Variants in B3GALT1 observed in about 807,000 individuals in gnomAD.
The protein encoded by B3GALT1 is UDP-Gal:betaGlcNAc beta 1,3-galactosyltransferase, polypeptide 1.
Under a neutral mutation model 23.2 loss-of-function variants are expected in B3GALT1, and 10 were observed. The observed-to-expected ratio is 0.43, with a 90% CI of 0.27 to 0.73. The LOEUF (loss-of-function observed/expected upper bound fraction) is 0.73, where lower values mean the gene tolerates loss of function less well. B3GALT1 is among the 30% of genes least tolerant of loss of function. B3GALT1 has a pLI of 0.21. For missense variants in B3GALT1, 299 were observed against 405.4 expected (o/e 0.74, Z 2.25); for synonymous variants, 156 against 141.5 (o/e 1.10, Z -0.73).
chr2:167,363,519 C>T (rs1462127640), intron 1 of B3GALT1, among the ~76,000 whole-genome samples: 2 of 152,124 alleles, frequency 1.3e-5, no homozygotes, highest in Admixed American at 6.6e-5. Context: ...TCTCAAGTTG[C>T]ATACATTCCT....
intron 1 of B3GALT1, among the ~76,000 whole-genome samples, chr2:167,416,025 C>T (rs1559089899): frequency 6.6e-6 from 1 of 152,152 alleles, no homozygotes; most frequent in Admixed American, 6.5e-5. Flanking sequence ...TTGGAAAACT[C>T]TCGGCCTGGC....
chr2:167,676,473 A>G, intron 3 of B3GALT1, among the ~76,000 whole-genome samples: 1 of 149,966 alleles, frequency 6.7e-6, no homozygotes, highest in South Asian at 2.1e-4. Flanking sequence ...CTAACCTTAT[A>G]TATATATACA....
intron 1 of B3GALT1, among the ~76,000 whole-genome samples, chr2:167,344,035 T>C (rs1697190135): frequency 6.6e-6 from 1 of 152,200 alleles, no homozygotes; most frequent in African/African-American, 2.4e-5. Context: ...GGGTGACTAT[T>C]GTCTACCACA....
chr2:167,304,274 A>T (rs1202523690), intron 1 of B3GALT1, among the ~76,000 whole-genome samples: 1 of 152,196 alleles, frequency 6.6e-6, no homozygotes, highest in Admixed American at 6.5e-5. Flanking sequence ...CCCAGAGCTC[A>T]CCACTTTGTC....
At chr2:167,537,778 C>A (rs1014900985) in intron 2 of B3GALT1, among the ~76,000 whole-genome samples, 1 of 151,934 alleles carries the variant, frequency 6.6e-6, no homozygotes, top group African/African-American at 2.4e-5. Flanking sequence ...TTTCTAAAAG[C>A]CTGAAGCCTT....
At chr2:167,824,410 A>G (rs928741560) in intron 4 of B3GALT1, among the ~76,000 whole-genome samples, 7 of 152,252 alleles carry the variant, frequency 4.6e-5, no homozygotes, top group African/African-American at 1.7e-4. Context: ...AGGAGTCAAG[A>G]TAAGAGATAC....
chr2:167,678,502 A>G (rs1686468518), intron 3 of B3GALT1, among the ~76,000 whole-genome samples: 1 of 152,048 alleles, frequency 6.6e-6, no homozygotes. Context: ...ACTGCCTTCT[A>G]CACTGTGACC....
chr2:167,745,066 G>A (rs1038478792), intron 3 of B3GALT1, among the ~76,000 whole-genome samples: 12 of 147,328 alleles, frequency 8.1e-5, no homozygotes, highest in African/African-American at 3.0e-4. Context: ...TTCTCTTTTT[G>A]TCCCTTTACA....
intron 4 of B3GALT1, among the ~76,000 whole-genome samples, chr2:167,830,085 G>A (rs1043542957): frequency 2.6e-5 from 4 of 152,194 alleles, no homozygotes; most frequent in Non-Finnish European, 5.9e-5. Context: ...TTGTGTGGAA[G>A]TCCTGTTGAC....
chr2:167,621,418 G>A (rs568672009), intron 2 of B3GALT1, among the ~76,000 whole-genome samples: 1 of 152,022 alleles, frequency 6.6e-6, no homozygotes, highest in East Asian at 1.9e-4. Flanking sequence ...TAACTAAAAT[G>A]TTATTATTTT....
At chr2:167,708,751 C>T (rs892381924) in intron 3 of B3GALT1, among the ~76,000 whole-genome samples, 3 of 152,198 alleles carry the variant, frequency 2.0e-5, no homozygotes, top group African/African-American at 7.2e-5. Context: ...AGGCTCAGCT[C>T]TAGCTCTCCC....
intron 2 of B3GALT1, among the ~76,000 whole-genome samples, chr2:167,600,670 G>A (rs1409570375): frequency 6.6e-6 from 1 of 152,130 alleles, no homozygotes; most frequent in African/African-American, 2.4e-5. Flanking sequence ...CTGTTACTTA[G>A]CATAATGTTT....
At chr2:167,664,929 C>G (rs1478075697) in intron 3 of B3GALT1, among the ~76,000 whole-genome samples, 7 of 150,224 alleles carry the variant, frequency 4.7e-5, no homozygotes, top group South Asian at 2.1e-4. Flanking sequence ...TTGACTTCCT[C>G]TTTTCCTAAT....
intron 1 of B3GALT1, among the ~76,000 whole-genome samples, chr2:167,458,915 A>G (rs1234569872): frequency 6.6e-6 from 1 of 152,112 alleles, no homozygotes; most frequent in Non-Finnish European, 1.5e-5. Flanking sequence ...TATTTTGTCT[A>G]ATATTAGTAT....
intron 1 of B3GALT1, among the ~76,000 whole-genome samples, chr2:167,443,150 G>C (rs1194316938): frequency 6.6e-6 from 1 of 151,750 alleles, no homozygotes; most frequent in Non-Finnish European, 1.5e-5. Flanking sequence ...CCCATTGCTT[G>C]TTTTTCTCAG....
At chr2:167,840,071 A>G (rs1263611404) in intron 4 of B3GALT1, among the ~76,000 whole-genome samples, 1 of 152,254 alleles carries the variant, frequency 6.6e-6, no homozygotes, top group African/African-American at 2.4e-5. Context: ...AAAACCATAA[A>G]AACCCTAGAA....
At chr2:167,370,482 C>T (rs1338078784) in intron 1 of B3GALT1, among the ~76,000 whole-genome samples, 1 of 152,176 alleles carries the variant, frequency 6.6e-6, no homozygotes, top group African/African-American at 2.4e-5. Flanking sequence ...CCTTGCCCTC[C>T]AATCCAGCAT....
intron 1 of B3GALT1, among the ~76,000 whole-genome samples, chr2:167,376,364 T>C (rs1697762634): frequency 6.6e-6 from 1 of 152,114 alleles, no homozygotes; most frequent in African/African-American, 2.4e-5. Context: ...CTTTGTAGAA[T>C]AAGTTAGGGA....
intron 2 of B3GALT1, among the ~76,000 whole-genome samples, chr2:167,496,501 A>G (rs1699785389): frequency 6.6e-6 from 1 of 152,172 alleles, no homozygotes; most frequent in Non-Finnish European, 1.5e-5. Flanking sequence ...GTGAAAAGAG[A>G]AAGAAGGTAG....
Sources: allele counts gnomAD v4.1 joint callset (sites outside exome capture counted in the v4.1 genomes callset), GRCh38; gene constraint gnomAD v4.1.1; transcripts MANE v1.5; gene names NCBI Gene and HGNC (gene_info 2026-07-23, HGNC 2026-07-21).